The following FHIP1A variants were observed in gnomAD, a reference collection of about 807,000 sequenced individuals.
FHIP1A encodes the protein FHF complex subunit HOOK interacting protein 1A, also known as FHF complex subunit HOOK-interacting protein 1A.
A neutral mutation model predicts 88.6 loss-of-function variants in FHIP1A; 61 were observed. That is an observed-to-expected ratio of 0.69 (90% CI 0.56 to 0.85). The LOEUF (loss-of-function observed/expected upper bound fraction) is 0.85. Ranked by LOEUF, FHIP1A falls within the 40% of genes least tolerant of loss-of-function variation. FHIP1A has a pLI of 0.00. For synonymous variants in FHIP1A, 478 were observed against 496.0 expected (o/e 0.96, Z 0.48); for missense variants, 1,154 against 1,273.5 (o/e 0.91, Z 1.43).
At chr4:151,487,997 A>C (rs1730146194) in intron 3 of FHIP1A, among the ~76,000 whole-genome samples, 1 of 152,102 alleles carries the variant, frequency 6.6e-6, no homozygotes, top group African/African-American at 2.4e-5. Context: ...ATCTCTCTTA[A>C]AACTACACTT....
intron 3 of FHIP1A, among the ~76,000 whole-genome samples, chr4:151,516,605 GAAA>G (rs968566144): frequency 6.6e-6 from 1 of 151,836 alleles, no homozygotes; most frequent in African/African-American, 2.4e-5. Flanking sequence ...AAATTTACAA[GAAA>G]AAAACAAACA....
intron 3 of FHIP1A, among the ~76,000 whole-genome samples, chr4:151,544,913 CA>C (rs1416695503): frequency 6.6e-6 from 1 of 151,874 alleles, no homozygotes; most frequent in African/African-American, 2.4e-5. Flanking sequence ...CCCCTATCTA[CA>C]AAAAAATACA....
At chr4:151,559,066 A>G (rs904871468) in intron 3 of FHIP1A, among the ~76,000 whole-genome samples, 1 of 152,072 alleles carries the variant, frequency 6.6e-6, no homozygotes, top group Admixed American at 6.5e-5. Context: ...GTTTTCCTTT[A>G]TATGTTTTCT....
intron 3 of FHIP1A, among the ~76,000 whole-genome samples, chr4:151,497,678 G>A (rs1472790749): frequency 6.6e-6 from 1 of 152,180 alleles, no homozygotes; most frequent in African/African-American, 2.4e-5. Context: ...GTAGGTAGAA[G>A]CCAGAGATGC....
intron 1 of FHIP1A, among the ~76,000 whole-genome samples, chr4:151,412,709 A>T (rs1432268829): frequency 2.9e-5 from 3 of 101,718 alleles, no homozygotes; most frequent in African/African-American, 3.8e-5. Context: ...TTTTTGATGG[A>T]GTTTTGCTCT....
At chr4:151,480,987 AATT>A (rs1174199405) in intron 2 of FHIP1A, among the ~76,000 whole-genome samples, 2 of 152,066 alleles carry the variant, frequency 1.3e-5, no homozygotes, top group Non-Finnish European at 2.9e-5. Flanking sequence ...ATTGCAGAAA[AATT>A]ATTATGTGAA....
intron 1 of FHIP1A, among the ~76,000 whole-genome samples, chr4:151,453,443 G>A (rs1728864621): frequency 6.6e-6 from 1 of 152,054 alleles, no homozygotes; most frequent in East Asian, 1.9e-4. Flanking sequence ...GCCTTATTTT[G>A]TCATCTACAA....
chr4:151,507,166 C>T (rs1295075920), intron 3 of FHIP1A, among the ~76,000 whole-genome samples: 1 of 152,152 alleles, frequency 6.6e-6, no homozygotes, highest in South Asian at 2.1e-4. Context: ...CTCTGTCACC[C>T]AGGACATAGT....
chr4:151,462,762 A>G (rs1250042760), intron 2 of FHIP1A, among the ~76,000 whole-genome samples: 2 of 152,224 alleles, frequency 1.3e-5, no homozygotes. Flanking sequence ...ATTTCCTCTC[A>G]GAGTGAGAGC....
At chr4:151,588,058 G>A (rs1734286005) in intron 6 of FHIP1A, among the ~76,000 whole-genome samples, 1 of 151,866 alleles carries the variant, frequency 6.6e-6, no homozygotes, top group South Asian at 2.1e-4. Flanking sequence ...TAAAGAAAGA[G>A]AAATAAAGCT....
chr4:151,475,609 A>G (rs1242069722), intron 2 of FHIP1A, among the ~76,000 whole-genome samples: 1 of 152,126 alleles, frequency 6.6e-6, no homozygotes, highest in Non-Finnish European at 1.5e-5. Flanking sequence ...AGGAGAGGCC[A>G]TTGTGGCTGA....
At chr4:151,612,048 A>G (rs1735341839) in intron 7 of FHIP1A, among the ~76,000 whole-genome samples, 1 of 152,182 alleles carries the variant, frequency 6.6e-6, no homozygotes, top group Non-Finnish European at 1.5e-5. Flanking sequence ...ATCTAGTTCC[A>G]GTTCCTCATT....
intron 1 of FHIP1A, among the ~76,000 whole-genome samples, chr4:151,410,251 T>G (rs1446564466): frequency 2.0e-5 from 3 of 152,220 alleles, no homozygotes; most frequent in African/African-American, 7.2e-5. Flanking sequence ...TAGCTTCCAC[T>G]ATTCAGCAGA....
intron 3 of FHIP1A, among the ~76,000 whole-genome samples, chr4:151,557,567 A>G (rs1424616483): frequency 1.3e-5 from 2 of 152,092 alleles, no homozygotes; most frequent in Admixed American, 1.3e-4. Flanking sequence ...GAATTGAAGC[A>G]GAATATGGGA....
intron 2 of FHIP1A, among the ~76,000 whole-genome samples, chr4:151,468,635 A>T (rs1468958856): frequency 6.6e-6 from 1 of 152,220 alleles, no homozygotes; most frequent in African/African-American, 2.4e-5. Flanking sequence ...ATTTCTGTAG[A>T]CATTCTAAAG....
chr4:151,648,650 C>A (rs1054713241), intron 10 of FHIP1A, among the ~76,000 whole-genome samples: 2 of 151,642 alleles, frequency 1.3e-5, no homozygotes, highest in Non-Finnish European at 2.9e-5. Context: ...ATTTCTTTAT[C>A]TGAAAATGGA....
intron 9 of FHIP1A, among the ~76,000 whole-genome samples, chr4:151,646,284 A>G (rs2126903777): frequency 6.6e-6 from 1 of 152,362 alleles, no homozygotes; most frequent in South Asian, 2.1e-4. Flanking sequence ...CAGTGGGCAC[A>G]AAGGCATGGA....
At chr4:151,566,923 A>G (rs7695412) in intron 4 of FHIP1A, among the ~76,000 whole-genome samples, 49,281 of 152,036 alleles carry the variant, frequency 0.32, 8,018 homozygotes, top group Non-Finnish European at 0.34. Flanking sequence ...TACTAAGCCC[A>G]TTACTTAGGC....
intron 2 of FHIP1A, among the ~76,000 whole-genome samples, chr4:151,465,586 A>G (rs1372352484): frequency 6.6e-6 from 1 of 152,222 alleles, no homozygotes; most frequent in South Asian, 2.1e-4. Flanking sequence ...AAAACTTCAG[A>G]CTAATATCAC....
Sources: gnomAD v4.1 joint callset for allele counts (sites outside exome capture counted in the v4.1 genomes callset) on GRCh38, gnomAD v4.1.1 for gene constraint, MANE v1.5 for transcripts, NCBI Gene and HGNC (gene_info 2026-07-23, HGNC 2026-07-21) for gene names.